Variants in SUGCT observed in about 807,000 individuals in gnomAD.
SUGCT encodes the protein succinyl-CoA:glutarate CoA-transferase.
A neutral mutation model predicts 55.0 loss-of-function variants in SUGCT; 41 were observed. The ratio of observed to expected loss-of-function variants is 0.74; its 90% confidence interval spans 0.58 to 0.97. The LOEUF is 0.97. Ranked by LOEUF, SUGCT falls within the 50% of genes least tolerant of loss-of-function variation. The probability of loss-of-function intolerance (pLI) is 0.00; values close to 1 mark genes in which losing one functional copy is unlikely to be tolerated. For missense variants in SUGCT, 568 were observed against 547.8 expected, an observed-to-expected ratio of 1.04 and a Z score of -0.37; for synonymous variants, 187 against 200.4, an observed-to-expected ratio of 0.93 and a Z score of 0.56.
chr7:40,707,458 T>A (rs1785481277), intron 12 of SUGCT, among the ~76,000 whole-genome samples: 1 of 152,162 alleles, frequency 6.6e-6, no homozygotes, highest in African/African-American at 2.4e-5. Context: ...AGGAAAAGTG[T>A]GTGTTTCCCT....
intron 11 of SUGCT, among the ~76,000 whole-genome samples, chr7:40,475,122 G>T (rs12534250): frequency 0.3 from 45,392 of 151,842 alleles, 9,179 homozygotes; most frequent in African/African-American, 0.58. Flanking sequence ...TTCCTAAACC[G>T]TATTTCTCCT....
At chr7:40,823,965 A>AT (rs765161141) in intron 13 of SUGCT, among the ~76,000 whole-genome samples, 1 of 152,172 alleles carries the variant, frequency 6.6e-6, no homozygotes, top group Admixed American at 6.6e-5. Context: ...AGTATCAGGG[A>AT]TAAAAAATGA....
chr7:40,434,452 A>G (rs113541507), intron 9 of SUGCT, among the ~76,000 whole-genome samples: 5 of 151,860 alleles, frequency 3.3e-5, no homozygotes, highest in African/African-American at 9.7e-5. Context: ...TGATTTTTTC[A>G]TTGGCAGATT....
At chr7:40,972,736 A>C in the SUGCT span, among the ~76,000 whole-genome samples, 2 of 152,290 alleles carry the variant, frequency 1.3e-5, no homozygotes, top group Middle Eastern at 3.4e-3. Flanking sequence ...GGTGTGTTGT[A>C]ACACAAGAGA....
chr7:40,635,462 C>T (rs935758601), intron 12 of SUGCT, among the ~76,000 whole-genome samples: 8 of 152,128 alleles, frequency 5.3e-5, no homozygotes, highest in African/African-American at 1.4e-4. Flanking sequence ...CAATATACAA[C>T]AGATGACAAC....
intron 6 of SUGCT, among the ~76,000 whole-genome samples, chr7:40,196,791 G>T (rs116337684): frequency 6.6e-6 from 1 of 152,024 alleles, no homozygotes; most frequent in Non-Finnish European, 1.5e-5. Flanking sequence ...TCTATTCCCA[G>T]TTCCACCTGT....
chr7:40,248,054 C>T (rs1790032642), intron 7 of SUGCT, among the ~76,000 whole-genome samples: 1 of 147,788 alleles, frequency 6.8e-6, no homozygotes, highest in Non-Finnish European at 1.5e-5. Flanking sequence ...TCTTGTTGCC[C>T]AGGCTGGAGT....
rs927222598 is a variant in SUGCT, at chr7:40,272,666, T to A, written c.577-1847T>A. ...GTATTATTATTATTATTATTATTAT[T>A]TTTTTTTTTTTGAGATGGAGTCTTG... On this transcript the variant is annotated intron_variant, in intron 7 of 13. Transcript: ENST00000335693. 3.0e-5 allele frequency among the ~76,000 whole-genome samples: 4 copies of A among 132,912 alleles called. No homozygotes were observed. In the South Asian group the frequency reaches 7.6e-4, roughly 25 times the overall value. 87.2% of individuals were successfully genotyped at this position (132,912 alleles called of 152,430 possible).
At chr7:40,406,075 G>A (rs531672428) in intron 9 of SUGCT, among the ~76,000 whole-genome samples, 1 of 152,152 alleles carries the variant, frequency 6.6e-6, no homozygotes, top group Non-Finnish European at 1.5e-5. Context: ...TTTTTCGAAG[G>A]TAGTTTGATA....
intron 12 of SUGCT, among the ~76,000 whole-genome samples, chr7:40,725,634 C>A (rs1323893430): frequency 6.6e-6 from 1 of 150,770 alleles, no homozygotes; most frequent in South Asian, 2.1e-4. Context: ...GTACATTTGT[C>A]CCCTATGAGG....
At chr7:40,741,380 A>T (rs1387690796) in intron 12 of SUGCT, among the ~76,000 whole-genome samples, 1 of 152,252 alleles carries the variant, frequency 6.6e-6, no homozygotes, top group African/African-American at 2.4e-5. Context: ...CAGGGAAAAT[A>T]TACTCAACCT....
the SUGCT span, among the ~76,000 whole-genome samples, chr7:40,898,318 A>C: frequency 1.3e-5 from 2 of 152,206 alleles, no homozygotes; most frequent in Non-Finnish European, 2.9e-5. Flanking sequence ...GCTGCGTTTA[A>C]GAGCCGTAAG....
the SUGCT span, among the ~76,000 whole-genome samples, chr7:40,904,004 C>A: frequency 6.6e-6 from 1 of 152,184 alleles, no homozygotes; most frequent in African/African-American, 2.4e-5. Flanking sequence ...CTTGGCGCAG[C>A]TTACATCACG....
At chr7:40,195,101 A>C (rs1786168797) in intron 6 of SUGCT, 41 bp downstream of exon 6, 3 of 1,533,092 alleles carry the variant, frequency 2.0e-6, no homozygotes, top group Non-Finnish European at 2.6e-6. Context: ...AAGGTTTTCC[A>C]GTTTCTGTGT....
At chr7:41,031,578 G>A in the SUGCT span, among the ~76,000 whole-genome samples, 1 of 152,180 alleles carries the variant, frequency 6.6e-6, no homozygotes, top group Admixed American at 6.5e-5. Flanking sequence ...TTCTGGACAA[G>A]GGCATCACGA....
chr7:41,017,010 T>G, the SUGCT span, among the ~76,000 whole-genome samples: 2 of 152,234 alleles, frequency 1.3e-5, no homozygotes, highest in African/African-American at 4.8e-5. Context: ...CGCTTGAATG[T>G]TTGACATCCT....
intron 11 of SUGCT, among the ~76,000 whole-genome samples, chr7:40,491,712 C>T (rs189755085): frequency 5.9e-5 from 9 of 151,644 alleles, no homozygotes; most frequent in Admixed American, 2.0e-4. Flanking sequence ...AAGGGAGGGC[C>T]GGGTGTGGTG....
chr7:40,342,619 A>C (rs1018435416), intron 9 of SUGCT, among the ~76,000 whole-genome samples: 1 of 149,494 alleles, frequency 6.7e-6, no homozygotes, highest in Non-Finnish European at 1.5e-5. Flanking sequence ...ATATCCTAAA[A>C]TTACTCTGTC....
chr7:41,002,792 C>T, the SUGCT span, among the ~76,000 whole-genome samples: 1 of 152,028 alleles, frequency 6.6e-6, no homozygotes, highest in Non-Finnish European at 1.5e-5. Context: ...GATGTATGTG[C>T]TATTATTATA....
Sources: gnomAD v4.1 joint callset for allele counts (sites outside exome capture counted in the v4.1 genomes callset) on GRCh38, gnomAD v4.1.1 for gene constraint, MANE v1.5 for transcripts, NCBI Gene and HGNC (gene_info 2026-07-23, HGNC 2026-07-21) for gene names.